The following WDR7 variants were observed in gnomAD, a reference collection of about 807,000 sequenced individuals.
WDR7 encodes the protein WD repeat-containing protein 7.
Under a neutral mutation model 169.4 loss-of-function variants are expected in WDR7, and 46 were observed. That is an observed-to-expected ratio of 0.27 (90% CI 0.21 to 0.35). WDR7 has a LOEUF of 0.35. Ranked by LOEUF, WDR7 falls within the 10% of genes least tolerant of loss-of-function variation. WDR7 has a pLI of 1.00. For missense variants in WDR7, 1,534 were observed against 1,859.3 expected, an observed-to-expected ratio of 0.83 and a Z score of 3.22; for synonymous variants, 612 against 666.8, an observed-to-expected ratio of 0.92 and a Z score of 1.27.
At chr18:57,012,647 C>G (rs1311451645) in intron 26 of WDR7, among the ~76,000 whole-genome samples, 3 of 152,210 alleles carry the variant, frequency 2.0e-5, no homozygotes, top group Non-Finnish European at 2.9e-5. Context: ...AGACATCACT[C>G]AAGGTCTTTG....
intron 26 of WDR7, among the ~76,000 whole-genome samples, chr18:56,980,002 CT>C (rs1599215178): frequency 1.3e-5 from 2 of 152,290 alleles, no homozygotes; most frequent in East Asian, 3.9e-4. Flanking sequence ...CAGCCATAGC[CT>C]TTTTTCTGCC....
intron 26 of WDR7, among the ~76,000 whole-genome samples, chr18:56,973,622 G>T (rs1397794131): frequency 6.6e-6 from 1 of 151,816 alleles, no homozygotes; most frequent in African/African-American, 2.4e-5. Flanking sequence ...AGTATATAAA[G>T]AATTTAGCAC....
At chr18:56,913,161 A>G (rs994687008) in intron 21 of WDR7, among the ~76,000 whole-genome samples, 4 of 152,138 alleles carry the variant, frequency 2.6e-5, no homozygotes, top group African/African-American at 7.2e-5. Context: ...AGCATGAGCC[A>G]CTGTGTCCAA....
In WDR7 at chr18:56,779,366, A is replaced by C. The variant is rs1167654657; in HGVS notation, c.2948-65A>C. The C allele has an allele frequency of 1.1e-5, 14 of 1,290,496 alleles. No homozygotes were observed. In the Admixed American group the frequency reaches 2.5e-4, roughly 23 times the overall value. 79.9% of individuals were successfully genotyped at this position (1,290,496 alleles called of 1,614,324 possible). A position where few individuals can be genotyped will look rare whatever the true frequency, so the allele number is the denominator to read the frequency against. On this transcript the variant is annotated intron_variant, in intron 17 of 27. Transcript: ENST00000254442. ...TTTTGTTTTTGGTATACTTACATAA[A>C]GAACTGTTGACTTAGGGAATGCCAA...
At chr18:56,915,687 C>T (rs543348276) in intron 21 of WDR7, among the ~76,000 whole-genome samples, 43 of 152,252 alleles carry the variant, frequency 2.8e-4, no homozygotes, top group Middle Eastern at 6.8e-3. Context: ...AGCAGTAATA[C>T]TCATGAATTA....
intron 13 of WDR7, among the ~76,000 whole-genome samples, chr18:56,730,070 G>T (rs2026548734): frequency 6.6e-6 from 1 of 151,876 alleles, no homozygotes; most frequent in Non-Finnish European, 1.5e-5. Context: ...TGTATTTTGA[G>T]GCTGCTAACT....
intron 13 of WDR7, among the ~76,000 whole-genome samples, chr18:56,727,463 GT>G (rs1337846146): frequency 6.6e-6 from 1 of 152,088 alleles, no homozygotes; most frequent in Non-Finnish European, 1.5e-5. Flanking sequence ...GTTCCGCATG[GT>G]TGGGGAGGCC....
chr18:56,871,199 G>T (rs539107606), intron 20 of WDR7, among the ~76,000 whole-genome samples: 59 of 152,240 alleles, frequency 3.9e-4, no homozygotes, highest in Admixed American at 3.3e-4. Context: ...AAGTTCGCTT[G>T]TTCTCCAGAA....
At chr18:57,024,492 CAT>C (rs1045968162) in intron 27 of WDR7, among the ~76,000 whole-genome samples, 1 of 146,042 alleles carries the variant, frequency 6.8e-6, no homozygotes, top group Non-Finnish European at 1.5e-5. Flanking sequence ...TATCGTTCCA[CAT>C]GTTATGTCCC....
intron 20 of WDR7, among the ~76,000 whole-genome samples, chr18:56,835,250 G>A (rs1228787043): frequency 1.3e-5 from 2 of 152,094 alleles, no homozygotes; most frequent in African/African-American, 4.8e-5. Context: ...ACTAGTAAAG[G>A]ATTCACTAAT....
chr18:56,740,878 T>A (rs77328908), intron 14 of WDR7, among the ~76,000 whole-genome samples: 5,279 of 152,228 alleles, frequency 0.035, 311 homozygotes, highest in African/African-American at 0.12. Context: ...CTCCCTTCTC[T>A]CTAGGATCTT....
intron 12 of WDR7, among the ~76,000 whole-genome samples, chr18:56,713,421 A>G (rs1400469900): frequency 6.6e-6 from 1 of 152,214 alleles, no homozygotes; most frequent in Non-Finnish European, 1.5e-5. Flanking sequence ...TAGGTGATAC[A>G]TTGCACAGAA....
At chr18:56,845,724 A>C (rs1010909278) in intron 20 of WDR7, among the ~76,000 whole-genome samples, 1 of 152,196 alleles carries the variant, frequency 6.6e-6, no homozygotes, top group African/African-American at 2.4e-5. Context: ...TTTAAAATGG[A>C]TTAGCTTCAT....
intron 26 of WDR7, among the ~76,000 whole-genome samples, chr18:56,989,975 A>G (rs956400998): frequency 2.6e-5 from 4 of 152,256 alleles, no homozygotes; most frequent in African/African-American, 9.6e-5. Flanking sequence ...AGGACCATGT[A>G]AAACTAATGT....
chr18:56,962,382 T>C, intron 25 of WDR7, 48 bp from the exon 26 acceptor site: 1 of 1,554,040 alleles, frequency 6.4e-7, no homozygotes, highest in East Asian at 2.2e-5. Context: ...GCAGGTCATC[T>C]CACCTGGCTT....
rs1381840492 is a variant in WDR7, at chr18:56,654,627, A to G, written c.-20+3051A>G. ...GTTCCTAATCTGTCATTTGTCTGTA[A>G]TCTTTCTCATGATGTTCTTCATTGA... On this transcript the variant is annotated intron_variant, in intron 1 of 27. Coordinates refer to ENST00000254442, the MANE Select transcript of WDR7 (RefSeq NM_015285.3). 2.6e-5 allele frequency among the ~76,000 whole-genome samples: 4 copies of G among 152,122 alleles called. No individual in the cohort carries two copies. In the South Asian group the frequency reaches 8.3e-4, roughly 32 times the overall value.
chr18:56,687,391 G>A (rs372834309), intron 7 of WDR7, among the ~76,000 whole-genome samples: 12 of 152,240 alleles, frequency 7.9e-5, no homozygotes, highest in African/African-American at 2.9e-4. Flanking sequence ...TGATGGAAGA[G>A]GTATATTACT....
At chr18:56,875,070 G>C (rs1214861531) in intron 20 of WDR7, among the ~76,000 whole-genome samples, 2 of 152,074 alleles carry the variant, frequency 1.3e-5, no homozygotes, top group Admixed American at 6.6e-5. Flanking sequence ...GTGCCTTTCA[G>C]CACAGCTAAA....
At chr18:57,001,621 T>C (rs901712845) in intron 26 of WDR7, among the ~76,000 whole-genome samples, 1 of 152,164 alleles carries the variant, frequency 6.6e-6, no homozygotes, top group Non-Finnish European at 1.5e-5. Flanking sequence ...AGCAAATGTA[T>C]ACAACCATGT....
Sources: gnomAD v4.1 joint callset for allele counts (sites outside exome capture counted in the v4.1 genomes callset) on GRCh38, gnomAD v4.1.1 for gene constraint, MANE v1.5 for transcripts, NCBI Gene and HGNC (gene_info 2026-07-23, HGNC 2026-07-21) for gene names.